Variants in AFAP1L1 observed in about 807,000 individuals in gnomAD.
The protein encoded by AFAP1L1 is actin filament associated protein 1 like 1.
Under a neutral mutation model 99.8 loss-of-function variants are expected in AFAP1L1, and 77 were observed. The ratio of observed to expected loss-of-function variants is 0.77; its 90% CI spans 0.64 to 0.93. The LOEUF (loss-of-function observed/expected upper bound fraction) is 0.93, where lower values mean the gene tolerates loss of function less well. Ranked by LOEUF, AFAP1L1 falls within the 40% of genes least tolerant of loss-of-function variation. The pLI is 0.00. For synonymous variants in AFAP1L1, 373 were observed against 395.3 expected, an observed-to-expected ratio of 0.94 and a Z score of 0.67; for missense variants, 893 against 996.8, an observed-to-expected ratio of 0.90 and a Z score of 1.40.
At chr5:149,287,757 T>G (rs10040627) in intron 1 of AFAP1L1, among the ~76,000 whole-genome samples, 9,314 of 149,616 alleles carry the variant, frequency 0.062, 557 homozygotes, top group African/African-American at 0.15. Flanking sequence ...TTGGTGTTTT[T>G]TTTTTTTTTT....
intron 11 of AFAP1L1, 111 bp from the exon 12 acceptor site, chr5:149,317,618 G>T: frequency 9.0e-7 from 1 of 1,111,732 alleles, no homozygotes; most frequent in Non-Finnish European, 1.3e-6. Context: ...AGGGGAAAGA[G>T]AGCTGACCAG....
intron 1 of AFAP1L1, among the ~76,000 whole-genome samples, chr5:149,279,221 A>G (rs1198361717): frequency 6.6e-6 from 1 of 152,248 alleles, no homozygotes; most frequent in African/African-American, 2.4e-5. Flanking sequence ...AAGTTTCTAC[A>G]GAAGGAGATT....
rs765542480 is a variant in AFAP1L1 at position 149,309,988 on chromosome 5, T to C, written c.780T>C (p.His260=). 1.2e-6 allele frequency: 2 copies of C among 1,614,196 alleles called. No homozygotes were observed. Among genetic ancestry groups the C allele is most frequent in the Non-Finnish European group, 1.7e-6 (2 of 1,180,036 alleles). The change falls in exon 8 of 19, where the codon CAT becomes CAC. Residue 260 remains histidine, a synonymous_variant. Coordinates refer to ENST00000296721, the MANE Select transcript of AFAP1L1 (RefSeq NM_152406.4). ...CYKSSKDRQP[H]LRLALDTCSI... is the part of the protein sequence containing the mutation. Reference sequence around the variant, plus strand: ...AAAGCTCCAAGGATCGGCAGCCACATCTGAGGTTGGCACTGGATACCTGCA... The same window carrying C: ...AAAGCTCCAAGGATCGGCAGCCACACCTGAGGTTGGCACTGGATACCTGCA...
intron 7 of AFAP1L1, among the ~76,000 whole-genome samples, chr5:149,308,747 C>T (rs1031934247): frequency 6.6e-6 from 1 of 152,088 alleles, no homozygotes; most frequent in Non-Finnish European, 1.5e-5. Flanking sequence ...AAGCACAATG[C>T]AAACAGAAGT....
At chr5:149,335,795 C>CA (rs1210373093) in intron 18 of AFAP1L1, 73 bp downstream of exon 18, 1 of 1,562,620 alleles carries the variant, frequency 6.4e-7, no homozygotes, top group Non-Finnish European at 8.7e-7. Flanking sequence ...CACCCAAAAC[C>CA]AAAAAATCAA....
At chr5:149,310,927 C>A (rs1303448330) in intron 8 of AFAP1L1, among the ~76,000 whole-genome samples, 2 of 152,230 alleles carry the variant, frequency 1.3e-5, no homozygotes, top group African/African-American at 2.4e-5. Context: ...GACTTTGACC[C>A]TCTGTGCCTG....
chr5:149,300,848 A>C (rs1466500807), intron 3 of AFAP1L1, among the ~76,000 whole-genome samples: 1 of 152,254 alleles, frequency 6.6e-6, no homozygotes, highest in Non-Finnish European at 1.5e-5. Flanking sequence ...CTTAGGGAGC[A>C]CACTGTGCCT....
intron 15 of AFAP1L1, among the ~76,000 whole-genome samples, chr5:149,323,390 C>A (rs1439972596): frequency 1.3e-5 from 2 of 152,226 alleles, no homozygotes; most frequent in Non-Finnish European, 2.9e-5. Flanking sequence ...GTACACCAGG[C>A]AACTCTGTTG....
At chr5:149,289,935 G>A (rs1356116069) in intron 1 of AFAP1L1, among the ~76,000 whole-genome samples, 1 of 152,176 alleles carries the variant, frequency 6.6e-6, no homozygotes, top group Non-Finnish European at 1.5e-5. Flanking sequence ...CCACCTTATT[G>A]TAAGACTTAA....
intron 1 of AFAP1L1, among the ~76,000 whole-genome samples, chr5:149,294,008 G>A (rs1755943729): frequency 6.6e-6 from 1 of 152,056 alleles, no homozygotes; most frequent in African/African-American, 2.4e-5. Flanking sequence ...TAATCTTCAG[G>A]GGCTCCTATT....
At chr5:149,284,485 A>T (rs1341659036) in intron 1 of AFAP1L1, among the ~76,000 whole-genome samples, 1 of 152,212 alleles carries the variant, frequency 6.6e-6, no homozygotes, top group African/African-American at 2.4e-5. Flanking sequence ...CAACTTTTTG[A>T]AAAAAGAAAG....
intron 1 of AFAP1L1, among the ~76,000 whole-genome samples, chr5:149,296,872 G>T (rs1194909372): frequency 2.0e-5 from 3 of 152,172 alleles, no homozygotes; most frequent in Non-Finnish European, 4.4e-5. Flanking sequence ...CATGTCAGAA[G>T]GGGAAGCAAA....
intron 1 of AFAP1L1, among the ~76,000 whole-genome samples, chr5:149,282,309 G>C (rs893297604): frequency 6.6e-6 from 1 of 152,224 alleles, no homozygotes; most frequent in African/African-American, 2.4e-5. Flanking sequence ...TCCTGAGAGA[G>C]AGAAATGGAA....
chr5:149,300,451 C>A, intron 3 of AFAP1L1, 97 bp downstream of exon 3: 3 of 1,081,558 alleles, frequency 2.8e-6, no homozygotes, highest in East Asian at 5.2e-5. Context: ...GCTCTAACAT[C>A]GCATCATTAA....
intron 1 of AFAP1L1, among the ~76,000 whole-genome samples, chr5:149,290,084 T>C (rs1348323993): frequency 6.6e-6 from 1 of 152,016 alleles, no homozygotes; most frequent in African/African-American, 2.4e-5. Flanking sequence ...ATACAAAAAA[T>C]TAGCCGGGCG....
chr5:149,292,151 T>A (rs1305131035), intron 1 of AFAP1L1, among the ~76,000 whole-genome samples: 1 of 152,268 alleles, frequency 6.6e-6, no homozygotes, highest in Non-Finnish European at 1.5e-5. Context: ...TGAGTCCAAG[T>A]GCCCAGCACT....
intron 1 of AFAP1L1, among the ~76,000 whole-genome samples, chr5:149,281,944 A>G (rs1419723746): frequency 2.6e-5 from 4 of 152,150 alleles, no homozygotes; most frequent in Non-Finnish European, 5.9e-5. Flanking sequence ...TTTATTTCTT[A>G]TCCTTCACAC....
intron 16 of AFAP1L1, among the ~76,000 whole-genome samples, chr5:149,331,321 A>T (rs1242073829): frequency 6.6e-6 from 1 of 152,178 alleles, no homozygotes; most frequent in East Asian, 1.9e-4. Context: ...AGAAAATTTA[A>T]AAATAAAAAT....
intron 7 of AFAP1L1, among the ~76,000 whole-genome samples, chr5:149,308,703 A>G (rs1756514148): frequency 6.6e-6 from 1 of 151,924 alleles, no homozygotes; most frequent in Non-Finnish European, 1.5e-5. Context: ...CCCCTTCTAT[A>G]TTTTTCTCCA....
Sources: gnomAD v4.1 joint callset for allele counts (sites outside exome capture counted in the v4.1 genomes callset) on GRCh38, gnomAD v4.1.1 for gene constraint, MANE v1.5 for transcripts, NCBI Gene and HGNC (gene_info 2026-07-23, HGNC 2026-07-21) for gene names.